The following C8orf34 variants were observed in gnomAD, a reference collection of about 807,000 sequenced individuals.
The protein encoded by C8orf34 is uncharacterized protein C8orf34.
A neutral mutation model predicts 68.3 loss-of-function variants in C8orf34; 65 were observed. That is an observed-to-expected ratio of 0.95 (90% CI 0.78 to 1.17). The LOEUF (loss-of-function observed/expected upper bound fraction) is 1.17, where lower values mean the gene tolerates loss of function less well. C8orf34 is among the 50% of genes most tolerant of loss of function. The pLI is 0.00. For missense variants in C8orf34, 664 were observed against 655.4 expected (o/e 1.01, Z -0.14); for synonymous variants, 244 against 241.2 (o/e 1.01, Z -0.11).
At chr8:68,718,989 A>G (rs1020582625) in intron 9 of C8orf34, among the ~76,000 whole-genome samples, 2 of 152,182 alleles carry the variant, frequency 1.3e-5, no homozygotes, top group African/African-American at 4.8e-5. Context: ...AAATAGCTAA[A>G]AAAATTACTT....
chr8:68,558,287 A>T (rs1024993663), intron 7 of C8orf34, among the ~76,000 whole-genome samples: 5 of 152,166 alleles, frequency 3.3e-5, no homozygotes, highest in Admixed American at 6.5e-5. Context: ...TGGAGAACGA[A>T]CTATTCTTCA....
intron 13 of C8orf34, 141 bp from the exon 14 acceptor site, chr8:68,818,098 G>A: frequency 1.4e-6 from 1 of 700,572 alleles, no homozygotes. Context: ...GATTAATAGA[G>A]GTAGTATTCT....
chr8:68,817,286 A>G (rs1824848317), intron 13 of C8orf34, among the ~76,000 whole-genome samples: 1 of 152,194 alleles, frequency 6.6e-6, no homozygotes, highest in African/African-American at 2.4e-5. Context: ...TAGTAGTCAA[A>G]GGGTCAAGAG....
intron 8 of C8orf34, among the ~76,000 whole-genome samples, chr8:68,703,682 G>A (rs1821082829): frequency 6.6e-6 from 1 of 152,102 alleles, no homozygotes; most frequent in South Asian, 2.1e-4. Context: ...TCATCCTTCA[G>A]TGGGCACACC....
intron 7 of C8orf34, among the ~76,000 whole-genome samples, chr8:68,602,766 G>C (rs1817736801): frequency 6.6e-6 from 1 of 152,038 alleles, no homozygotes; most frequent in Non-Finnish European, 1.5e-5. Flanking sequence ...TCACTCTGGT[G>C]CTGAATGGGA....
chr8:68,776,558 T>C (rs545099362), intron 11 of C8orf34, 109 bp downstream of exon 11: 160 of 790,224 alleles, frequency 2.0e-4, no homozygotes, highest in Admixed American at 6.6e-4. Flanking sequence ...AGTCTGTATG[T>C]GTTCAATGGT....
rs115819312 is a variant in C8orf34, at chr8:68,683,348, C to T, written c.1242-25646C>T. On this transcript the variant is annotated intron_variant, in intron 8 of 13. Coordinates refer to ENST00000518698, the MANE Select transcript of C8orf34 (RefSeq NM_052958.4). ...TTTAGAAACAGAATCAATAGTCAGC[C>T]TATACTAGATGGTGAGGAACTTAAA... Among the ~76,000 whole-genome samples, 386 of 151,326 alleles carry T rather than the reference C, an allele frequency of 2.6e-3. 1 individual carries two copies. The highest frequency in any genetic ancestry group is 8.7e-3 in the African/African-American group (358 of 41,242).
At chr8:68,385,973 CT>C (rs1808242402) in intron 1 of C8orf34, among the ~76,000 whole-genome samples, 1 of 152,122 alleles carries the variant, frequency 6.6e-6, no homozygotes, top group Non-Finnish European at 1.5e-5. Flanking sequence ...GGTAATAGCT[CT>C]TTGTGGTCTC....
intron 1 of C8orf34, among the ~76,000 whole-genome samples, chr8:68,412,669 A>G (rs1029801688): frequency 6.6e-6 from 1 of 152,102 alleles, no homozygotes; most frequent in African/African-American, 2.4e-5. Flanking sequence ...CCTCTTATAC[A>G]GCGATTTTTA....
intron 5 of C8orf34, among the ~76,000 whole-genome samples, chr8:68,512,042 G>A (rs907615000): frequency 6.6e-6 from 1 of 152,134 alleles, no homozygotes; most frequent in African/African-American, 2.4e-5. Flanking sequence ...TCAGAAGCCT[G>A]TATTTGGGAG....
intron 12 of C8orf34, among the ~76,000 whole-genome samples, chr8:68,803,680 T>A (rs2129529668): frequency 6.6e-6 from 1 of 152,136 alleles, no homozygotes; most frequent in East Asian, 1.9e-4. Context: ...TATGCTTTGA[T>A]ACCTTGTTAA....
At position 68,468,771 on chromosome 8, in the gene C8orf34, C is replaced by G. The variant is rs753326129; in HGVS notation, c.687C>G (p.Ile229Met). 2 of 1,612,330 alleles carry G rather than the reference C, an allele frequency of 1.2e-6. No homozygotes were observed. Among genetic ancestry groups the G allele is most frequent in the African/African-American group, 2.7e-5 (2 of 74,790 alleles). Reference sequence around the variant, plus strand: ...GTGATTTTGATGAATTGAATCACATCCTTCAGGAGAGCAAGAAGCTGGGGA... The same window carrying G: ...GTGATTTTGATGAATTGAATCACATGCTTCAGGAGAGCAAGAAGCTGGGGA... ...QSRDFDELNH[I>M]LQESKKLGKA... is the part of the protein sequence containing the mutation. Residue 229 changes from isoleucine (I) to methionine (M), a missense_variant, in exon 4 of 14, where the codon ATC becomes ATG. Coordinates refer to ENST00000518698, the MANE Select transcript of C8orf34 (RefSeq NM_052958.4).
intron 1 of C8orf34, among the ~76,000 whole-genome samples, chr8:68,389,225 G>A (rs1808381690): frequency 6.6e-6 from 1 of 152,108 alleles, no homozygotes; most frequent in South Asian, 2.1e-4. Context: ...CAGTAAGTGG[G>A]CAATTATAAA....
At chr8:68,634,494 C>T (rs1818780534) in intron 7 of C8orf34, among the ~76,000 whole-genome samples, 1 of 152,138 alleles carries the variant, frequency 6.6e-6, no homozygotes, top group Non-Finnish European at 1.5e-5. Flanking sequence ...TTGTTTTTCT[C>T]CCTTTCTATT....
intron 10 of C8orf34, among the ~76,000 whole-genome samples, chr8:68,756,904 A>G (rs1399782635): frequency 6.6e-6 from 1 of 152,214 alleles, no homozygotes; most frequent in Non-Finnish European, 1.5e-5. Flanking sequence ...TTAAAGATGA[A>G]AGAGAACTCT....
intron 1 of C8orf34, among the ~76,000 whole-genome samples, chr8:68,420,685 A>G (rs1196291568): frequency 6.6e-6 from 1 of 152,228 alleles, no homozygotes; most frequent in African/African-American, 2.4e-5. Context: ...TTCAGGGGAT[A>G]GAGGCAATAT....
intron 7 of C8orf34, among the ~76,000 whole-genome samples, chr8:68,614,365 A>G (rs954980285): frequency 3.8e-4 from 58 of 152,302 alleles, no homozygotes; most frequent in African/African-American, 1.4e-3. Context: ...GTCCTTGCCC[A>G]TGCCTATGTC....
chr8:68,761,128 A>T (rs1244695235), intron 10 of C8orf34, among the ~76,000 whole-genome samples: 1 of 152,180 alleles, frequency 6.6e-6, no homozygotes, highest in Non-Finnish European at 1.5e-5. Flanking sequence ...ATACTTTTCC[A>T]CCTTCTTCTC....
In C8orf34 at chr8:68,376,818, C is replaced by T. The variant is rs528191230; in HGVS notation, c.327+45479C>T. The stretch of plus-strand genomic sequence containing the variant: ...TGGATAACTACCCTTCATCTAGAAT[C>T]TGATCAACCTGGCTCATGACATTTT... On this transcript the variant is annotated intron_variant, in intron 1 of 13. Coordinates refer to ENST00000518698, the MANE Select transcript of C8orf34 (RefSeq NM_052958.4). 4.5e-4 allele frequency among the ~76,000 whole-genome samples: 68 copies of T among 152,184 alleles called. No individual in the cohort carries two copies. In the South Asian group the frequency reaches 0.014, roughly 32 times the overall value.
Sources: gnomAD v4.1 joint callset for allele counts (sites outside exome capture counted in the v4.1 genomes callset) on GRCh38, gnomAD v4.1.1 for gene constraint, MANE v1.5 for transcripts, NCBI Gene and HGNC (gene_info 2026-07-23, HGNC 2026-07-21) for gene names.